SPAG9: variants seen among roughly 807,000 people sequenced by gnomAD.
SPAG9 encodes the protein sperm associated antigen 9, also known as C-Jun-amino-terminal kinase-interacting protein 4.
Under a neutral mutation model 166.5 loss-of-function variants are expected in SPAG9, and 35 were observed. The ratio of observed to expected loss-of-function variants is 0.21; its 90% CI spans 0.16 to 0.28. The LOEUF (loss-of-function observed/expected upper bound fraction) is 0.28. Ranked by LOEUF, SPAG9 falls within the 10% of genes least tolerant of loss-of-function variation. The probability of loss-of-function intolerance (pLI) is 1.00; values close to 1 mark genes in which losing one functional copy is unlikely to be tolerated. For missense variants in SPAG9, 1,235 were observed against 1,603.3 expected (o/e 0.77, Z 3.92); for synonymous variants, 534 against 565.5 (o/e 0.94, Z 0.79).
intron 13 of SPAG9, among the ~76,000 whole-genome samples, chr17:51,000,659 G>T (rs143010758): frequency 6.6e-6 from 1 of 150,746 alleles, no homozygotes; most frequent in African/African-American, 2.4e-5. Context: ...TTGAACCCAG[G>T]GGGTGGAGGT....
At chr17:50,990,720 T>A (rs1567969991) in intron 19 of SPAG9, 52 bp from the exon 20 acceptor site, 1 of 1,445,264 alleles carries the variant, frequency 6.9e-7, no homozygotes, top group Admixed American at 1.7e-5. Flanking sequence ...TAAATAACAT[T>A]TTTTTTACTA....
intron 3 of SPAG9, among the ~76,000 whole-genome samples, chr17:51,053,852 AAAGTATATATATATATATATATAT>A (rs1267578683): frequency 3.2e-4 from 16 of 49,312 alleles, no homozygotes; most frequent in African/African-American, 1.8e-3. Flanking sequence ...AAAAAAAAAA[AAAGTATATATATATATATATATAT>A]ATATATATAT....
At chr17:50,992,183 C>T (rs912560510) in intron 19 of SPAG9, among the ~76,000 whole-genome samples, 6 of 151,746 alleles carry the variant, frequency 4.0e-5, no homozygotes, top group African/African-American at 7.3e-5. Flanking sequence ...CCTCCATGGC[C>T]GGCCTATTTC....
chr17:51,086,191 G>A (rs1357248361), intron 1 of SPAG9, among the ~76,000 whole-genome samples: 1 of 151,790 alleles, frequency 6.6e-6, no homozygotes, highest in Non-Finnish European at 1.5e-5. Context: ...TGTTGGCTGG[G>A]CTGGTCTCAA....
chr17:50,984,617 C>T (rs938304788), intron 24 of SPAG9, among the ~76,000 whole-genome samples: 7 of 152,072 alleles, frequency 4.6e-5, no homozygotes, highest in African/African-American at 1.7e-4. Context: ...ACCCGGGAGG[C>T]GGAGCTTGCA....
intron 5 of SPAG9, among the ~76,000 whole-genome samples, chr17:51,037,762 C>T (rs976331949): frequency 6.8e-6 from 1 of 147,034 alleles, no homozygotes; most frequent in Admixed American, 7.0e-5. Flanking sequence ...GACGGAGTCC[C>T]ACTACGTTGC....
Position 51,099,749 on chromosome 17 carries a change from C to A in SPAG9, c.304-20045G>T, listed in dbSNP as rs1276431629. 8.0e-5 allele frequency among the ~76,000 whole-genome samples: 7 copies of A among 87,766 alleles called. 1 individual carries two copies. In the Admixed American group the frequency reaches 9.2e-4, roughly 12 times the overall value. The allele number at this position is 87,766 out of a possible 152,430, so 57.6% of individuals were successfully genotyped here. ...CACTTGACTCTGTTATGAAAATATT[C>A]TTCTATTACTAAAAAAAAAAAAAAA... On this transcript the variant is annotated intron_variant, in intron 1 of 29. Coordinates refer to ENST00000262013, the MANE Select transcript of SPAG9 (RefSeq NM_001130528.3).
At chr17:51,037,865 T>C (rs961939285) in intron 5 of SPAG9, among the ~76,000 whole-genome samples, 2 of 151,602 alleles carry the variant, frequency 1.3e-5, no homozygotes, top group Non-Finnish European at 2.9e-5. Context: ...CTGTCCAGCC[T>C]ATAGCACTTT....
intron 8 of SPAG9, 126 bp from the exon 9 acceptor site, chr17:51,014,479 A>G (rs2045618005): frequency 2.7e-6 from 2 of 750,626 alleles, no homozygotes; most frequent in Non-Finnish European, 2.0e-6. Context: ...ACTAGAAAAT[A>G]TAACTTAAAA....
At chr17:51,001,899 G>A (rs1394076756) in intron 12 of SPAG9, 54 bp from the exon 13 acceptor site, 4 of 1,535,096 alleles carry the variant, frequency 2.6e-6, no homozygotes, top group Non-Finnish European at 3.6e-6. Context: ...ATGTCTTGGT[G>A]TTCATCTCAG....
chr17:51,031,947 C>T (rs1216407075), intron 5 of SPAG9: 2 of 653,346 alleles, frequency 3.1e-6, no homozygotes, highest in African/African-American at 1.8e-5. Flanking sequence ...GGATCAGTGT[C>T]TTATACTTAT....
intron 1 of SPAG9, among the ~76,000 whole-genome samples, chr17:51,114,927 G>A (rs139217380): frequency 6.6e-6 from 1 of 151,868 alleles, no homozygotes; most frequent in African/African-American, 2.4e-5. Flanking sequence ...ACTCCAGCCT[G>A]GGTGACAGAG....
At position 50,976,964 on chromosome 17, in the gene SPAG9, T is replaced by C. The variant is rs1974252001; in HGVS notation, c.3523+144A>G. 3.6e-5 allele frequency: 21 copies of C among 582,992 alleles called. No homozygotes were observed. In the South Asian group the frequency reaches 4.4e-4, roughly 12 times the overall value. 36.1% of individuals were successfully genotyped at this position (582,992 alleles called of 1,614,324 possible). On this transcript the variant is annotated intron_variant, in intron 27 of 29. Coordinates refer to ENST00000262013, the MANE Select transcript of SPAG9 (RefSeq NM_001130528.3). Reference sequence around the variant, plus strand: ...CATGAAAACTTATTTTCCTAGAATTTATAAGTTTCATTGAGTGAAGTAACT... The same window carrying C: ...CATGAAAACTTATTTTCCTAGAATTCATAAGTTTCATTGAGTGAAGTAACT...
At chr17:51,002,981 C>T (rs1355103927) in intron 12 of SPAG9, among the ~76,000 whole-genome samples, 1 of 141,476 alleles carries the variant, frequency 7.1e-6, no homozygotes, top group African/African-American at 2.8e-5. Context: ...ACTCAGGAGG[C>T]TGAAGTTAAA....
chr17:51,111,048 G>A (rs893837841), intron 1 of SPAG9, among the ~76,000 whole-genome samples: 23 of 151,466 alleles, frequency 1.5e-4, no homozygotes, highest in South Asian at 4.2e-4. Context: ...TCCAGGAGGC[G>A]GAGGTTGCAG....
chr17:51,026,674 C>CTTTTTTTT (rs35339612), intron 6 of SPAG9, among the ~76,000 whole-genome samples: 1 of 124,222 alleles, frequency 8.1e-6, no homozygotes, highest in African/African-American at 2.9e-5. Flanking sequence ...TTTTTCTTTT[C>CTTTTTTTT]TTTTTTTTTT....
chr17:50,990,219 AG>A, intron 20 of SPAG9: 2 of 533,478 alleles, frequency 3.7e-6, no homozygotes, highest in Non-Finnish European at 6.7e-6. Context: ...TAGTACAGAC[AG>A]GGTTTCACTG....
intron 1 of SPAG9, among the ~76,000 whole-genome samples, chr17:51,089,661 T>TACACACAC (rs1555658102): frequency 1.0e-5 from 1 of 97,932 alleles, no homozygotes; most frequent in African/African-American, 4.0e-5. Flanking sequence ...TATATATATA[T>TACACACAC]ATACACATAC....
At chr17:50,990,963 A>G (rs1170249506) in intron 19 of SPAG9, among the ~76,000 whole-genome samples, 2 of 150,308 alleles carry the variant, frequency 1.3e-5, no homozygotes, top group Non-Finnish European at 3.0e-5. Flanking sequence ...GCTGGAGTAC[A>G]GTGGCATGAT....
Sources: allele counts gnomAD v4.1 joint callset (sites outside exome capture counted in the v4.1 genomes callset), GRCh38; gene constraint gnomAD v4.1.1; transcripts MANE v1.5; gene names NCBI Gene and HGNC (gene_info 2026-07-23, HGNC 2026-07-21).